SLC41A2: variants seen among roughly 807,000 people sequenced by gnomAD.
SLC41A2 encodes the protein SLC41A1-like 1.
A neutral mutation model predicts 58.3 loss-of-function variants in SLC41A2; 32 were observed. The ratio of observed to expected loss-of-function variants is 0.55; its 90% CI spans 0.41 to 0.74. The LOEUF is 0.74. SLC41A2 is among the 30% of genes least tolerant of loss of function. The pLI is 0.00. For synonymous variants in SLC41A2, 190 were observed against 235.0 expected (o/e 0.81, Z 1.75); for missense variants, 514 against 680.6 (o/e 0.76, Z 2.72).
At chr12:104,958,292 G>C (rs986082860), upstream of SLC41A2, 5 of 149,902 alleles carry the variant, frequency 3.3e-5, no homozygotes, top group African/African-American at 1.2e-4. Flanking sequence ...CAAGCTGACA[G>C]CCCGGCCGTC....
chr12:104,804,369 C>G lies in SLC41A2; in HGVS notation c.*783G>C, dbSNP rs2040819805. On this transcript the variant is annotated 3_prime_UTR_variant, in exon 11 of 11. Coordinates refer to ENST00000258538, the MANE Select transcript of SLC41A2 (RefSeq NM_001352171.3). Reference sequence around the variant, plus strand: ...TCTCACACACACACACACACACATTCTCGTACCGTCTTGTCTCTACAAATG... The same window carrying G: ...TCTCACACACACACACACACACATTGTCGTACCGTCTTGTCTCTACAAATG... 6.8e-6 allele frequency: 1 copy of G among 148,100 alleles called. No homozygotes were observed. The highest frequency in any genetic ancestry group is 2.1e-4 in the South Asian group (1 of 4,690). 9.2% of individuals were successfully genotyped at this position (148,100 alleles called of 1,614,324 possible).
intron 3 of SLC41A2, among the ~76,000 whole-genome samples, chr12:104,905,956 C>G (rs1197308838): frequency 6.6e-6 from 1 of 152,248 alleles, no homozygotes; most frequent in Non-Finnish European, 1.5e-5. Flanking sequence ...CAGAAAGGGG[C>G]TCCCACAGTG....
At chr12:104,834,135 C>T in intron 10 of SLC41A2, 7 of 983,920 alleles carry the variant, frequency 7.1e-6, no homozygotes, top group Non-Finnish European at 8.4e-6. Context: ...AGCAGACAGT[C>T]ATTTCATCTT....
At chr12:104,922,921 A>G (rs1488739450) in intron 2 of SLC41A2, among the ~76,000 whole-genome samples, 1 of 152,192 alleles carries the variant, frequency 6.6e-6, no homozygotes, top group Non-Finnish European at 1.5e-5. Context: ...CATGCTCCTG[A>G]GTGACCAATG....
At chr12:104,910,462 C>T (rs2046033322) in intron 2 of SLC41A2, among the ~76,000 whole-genome samples, 1 of 152,112 alleles carries the variant, frequency 6.6e-6, no homozygotes, top group African/African-American at 2.4e-5. Flanking sequence ...AAAATAATAT[C>T]CACCCTATCT....
At chr12:104,889,312 G>A in intron 4 of SLC41A2, 135 bp from the exon 5 acceptor site, 2 of 893,914 alleles carry the variant, frequency 2.2e-6, no homozygotes, top group Non-Finnish European at 3.4e-6. Context: ...ACCTTTTAGA[G>A]TAGTTACTAT....
chr12:104,887,660 G>C (rs773231860), intron 5 of SLC41A2, among the ~76,000 whole-genome samples: 4 of 151,948 alleles, frequency 2.6e-5, no homozygotes, highest in Non-Finnish European at 5.9e-5. Flanking sequence ...ATGTATATGG[G>C]AAGTTCTCCT....
chr12:104,883,647 G>A (rs2044502831), intron 6 of SLC41A2, among the ~76,000 whole-genome samples: 1 of 152,232 alleles, frequency 6.6e-6, no homozygotes, highest in Non-Finnish European at 1.5e-5. Context: ...ATCACCAGCG[G>A]AGGCTGCAGA....
chr12:104,914,380 A>G (rs916845676), intron 2 of SLC41A2, among the ~76,000 whole-genome samples: 1 of 152,142 alleles, frequency 6.6e-6, no homozygotes, highest in African/African-American at 2.4e-5. Context: ...TAACTTCTCA[A>G]ATGTTGGAAT....
intron 8 of SLC41A2, among the ~76,000 whole-genome samples, chr12:104,856,448 A>C (rs76399690): frequency 0.011 from 1,630 of 152,256 alleles, 42 homozygotes; most frequent in African/African-American, 0.037. Flanking sequence ...TACTATAATG[A>C]GTTGAAAAAA....
intron 7 of SLC41A2, among the ~76,000 whole-genome samples, chr12:104,865,490 A>G (rs2043397697): frequency 1.3e-5 from 2 of 152,132 alleles, no homozygotes; most frequent in African/African-American, 4.8e-5. Flanking sequence ...GATGTACTTG[A>G]TGCCTTTAAT....
intron 10 of SLC41A2, among the ~76,000 whole-genome samples, chr12:104,839,412 GAAT>G (rs902637540): frequency 4.6e-5 from 7 of 152,014 alleles, no homozygotes; most frequent in African/African-American, 9.6e-5. Context: ...TAGTGGATAA[GAAT>G]AATGAGATTT....
chr12:104,830,343 C>A (rs900632275), intron 10 of SLC41A2, among the ~76,000 whole-genome samples: 1 of 152,116 alleles, frequency 6.6e-6, no homozygotes, highest in Admixed American at 6.5e-5. Flanking sequence ...TACACATGTC[C>A]TCCTGAATAC....
At chr12:104,872,435 G>C (rs1442276586) in intron 6 of SLC41A2, among the ~76,000 whole-genome samples, 11 of 152,110 alleles carry the variant, frequency 7.2e-5, no homozygotes, top group Admixed American at 7.2e-4. Context: ...AGAAGCAAAA[G>C]AAAGGTAGCA....
chr12:104,859,757 A>C (rs1353040260), intron 8 of SLC41A2, among the ~76,000 whole-genome samples: 6 of 151,904 alleles, frequency 3.9e-5, no homozygotes, highest in African/African-American at 9.7e-5. Context: ...TTTTGAGACA[A>C]GGTCTTGCTC....
chr12:104,889,233 C>T, intron 4 of SLC41A2, 56 bp from the exon 5 acceptor site: 2 of 1,506,786 alleles, frequency 1.3e-6, no homozygotes, highest in Non-Finnish European at 1.8e-6. Context: ...CACATTTAAA[C>T]ATTTTGATTA....
At chr12:104,822,710 C>T (rs2041685129) in intron 10 of SLC41A2, among the ~76,000 whole-genome samples, 1 of 151,906 alleles carries the variant, frequency 6.6e-6, no homozygotes, top group Non-Finnish European at 1.5e-5. Flanking sequence ...CATATGGTCT[C>T]AGAAAACAGA....
At chr12:104,845,811 T>C (rs912182403) in intron 9 of SLC41A2, 32 bp downstream of exon 9, 48 of 1,584,004 alleles carry the variant, frequency 3.0e-5, no homozygotes, top group Non-Finnish European at 3.9e-5. Context: ...TAGCCCTTGA[T>C]CTAAAATATG....
intron 10 of SLC41A2, among the ~76,000 whole-genome samples, chr12:104,823,764 C>T (rs979761408): frequency 4.6e-5 from 7 of 152,142 alleles, no homozygotes; most frequent in African/African-American, 1.7e-4. Context: ...ATAAACTGAA[C>T]TTCATTCAAA....
Sources: gnomAD v4.1 joint callset for allele counts (sites outside exome capture counted in the v4.1 genomes callset) on GRCh38, gnomAD v4.1.1 for gene constraint, MANE v1.5 for transcripts, NCBI Gene and HGNC (gene_info 2026-07-23, HGNC 2026-07-21) for gene names.